RBFOX1: variants seen among roughly 807,000 people sequenced by gnomAD.
RBFOX1 encodes the protein RNA binding protein fox-1 homolog 1.
Under a neutral mutation model 57.7 loss-of-function variants are expected in RBFOX1, and 8 were observed. The observed-to-expected ratio is 0.14, with a 90% CI of 0.08 to 0.25. The LOEUF (loss-of-function observed/expected upper bound fraction) is 0.25. Ranked by LOEUF, RBFOX1 falls within the 10% of genes least tolerant of loss-of-function variation. RBFOX1 has a pLI of 1.00. For synonymous variants in RBFOX1, 326 were observed against 222.4 expected (o/e 1.47, Z -4.15); for missense variants, 611 against 548.5 (o/e 1.11, Z -1.14).
chr16:5,993,032 G>T (rs1337586169), intron 4 of RBFOX1, among the ~76,000 whole-genome samples: 1 of 152,182 alleles, frequency 6.6e-6, no homozygotes, highest in Non-Finnish European at 1.5e-5. Context: ...GGGACCCTGG[G>T]CTTGAGCCTG....
intron 4 of RBFOX1, among the ~76,000 whole-genome samples, chr16:7,210,081 T>C: frequency 6.6e-6 from 1 of 152,172 alleles, no homozygotes; most frequent in South Asian, 2.1e-4. Context: ...TCCAATGAAG[T>C]GCATCTTTGC....
At chr16:5,705,313 G>T (rs2051201389) in intron 3 of RBFOX1, among the ~76,000 whole-genome samples, 1 of 152,036 alleles carries the variant, frequency 6.6e-6, no homozygotes, top group South Asian at 2.1e-4. Flanking sequence ...CCAGGCTAGG[G>T]TGCAGTGGCA....
intron 2 of RBFOX1, among the ~76,000 whole-genome samples, chr16:5,515,517 C>T (rs1202393862): frequency 6.6e-6 from 1 of 152,220 alleles, no homozygotes; most frequent in African/African-American, 2.4e-5. Flanking sequence ...AAAATCAAAT[C>T]AACAGCTTCT....
At chr16:5,697,027 C>T (rs568377436) in intron 3 of RBFOX1, among the ~76,000 whole-genome samples, 1 of 152,230 alleles carries the variant, frequency 6.6e-6, no homozygotes, top group South Asian at 2.1e-4. Context: ...ATTCTCATGC[C>T]TCAGCCTCCC....
At chr16:5,249,342 G>A (rs550091484) in intron 1 of RBFOX1, among the ~76,000 whole-genome samples, 11 of 152,260 alleles carry the variant, frequency 7.2e-5, no homozygotes, top group East Asian at 1.9e-4. Flanking sequence ...CCCTCAGACC[G>A]TCCTCCTGGA....
intron 3 of RBFOX1, among the ~76,000 whole-genome samples, chr16:5,802,937 T>C (rs2055105892): frequency 6.6e-6 from 1 of 152,220 alleles, no homozygotes; most frequent in South Asian, 2.1e-4. Context: ...TCAGGCAATA[T>C]GCTTGTCTTG....
chr16:7,623,678 G>C (rs1280430011), intron 10 of RBFOX1, among the ~76,000 whole-genome samples: 1 of 152,176 alleles, frequency 6.6e-6, no homozygotes, highest in Non-Finnish European at 1.5e-5. Context: ...GTGGCCCAGG[G>C]GTTGGGGAAC....
intron 1 of RBFOX1, among the ~76,000 whole-genome samples, chr16:5,277,559 C>T: frequency 6.6e-6 from 1 of 152,296 alleles, no homozygotes; most frequent in Middle Eastern, 3.4e-3. Context: ...AACCTCTTTT[C>T]AAACCCCTCC....
At chr16:6,919,025 G>C (rs1338641303) in intron 3 of RBFOX1, among the ~76,000 whole-genome samples, 2 of 152,146 alleles carry the variant, frequency 1.3e-5, no homozygotes, top group Non-Finnish European at 2.9e-5. Flanking sequence ...CATTCATCCA[G>C]GCTGGAGTGC....
intron 1 of RBFOX1, among the ~76,000 whole-genome samples, chr16:6,256,707 G>A (rs541496223): frequency 8.1e-4 from 123 of 152,154 alleles, no homozygotes; most frequent in Non-Finnish European, 1.5e-3. Flanking sequence ...TAGCATCCCC[G>A]GCTGCCACTC....
At chr16:6,555,735 A>T (rs2097088954) in intron 2 of RBFOX1, among the ~76,000 whole-genome samples, 1 of 152,016 alleles carries the variant, frequency 6.6e-6, no homozygotes, top group African/African-American at 2.4e-5. Flanking sequence ...AACAAAAAAG[A>T]TATCATTCCA....
chr16:6,736,417 C>T (rs1168386565), intron 3 of RBFOX1, among the ~76,000 whole-genome samples: 1 of 152,160 alleles, frequency 6.6e-6, no homozygotes, highest in Non-Finnish European at 1.5e-5. Context: ...GTTTGGTTTT[C>T]CATTCCTGAG....
chr16:6,252,311 A>T (rs2097622003), intron 1 of RBFOX1, among the ~76,000 whole-genome samples: 1 of 152,150 alleles, frequency 6.6e-6, no homozygotes, highest in African/African-American at 2.4e-5. Flanking sequence ...AGGTGTTGGG[A>T]AGAAGAATCT....
intron 4 of RBFOX1, among the ~76,000 whole-genome samples, chr16:7,438,895 T>TC (rs918163767): frequency 6.6e-6 from 1 of 151,854 alleles, no homozygotes; most frequent in Non-Finnish European, 1.5e-5. Context: ...ACTGCATGAA[T>TC]CCCCCCCTTC....
At chr16:5,366,248 G>T in intron 1 of RBFOX1, 1 of 407,770 alleles carries the variant, frequency 2.5e-6, no homozygotes, top group South Asian at 2.0e-5. Flanking sequence ...TGGTTCCACA[G>T]AAAAAAGTAA....
At chr16:7,612,048 G>C (rs78684589) in intron 10 of RBFOX1, among the ~76,000 whole-genome samples, 1 of 152,074 alleles carries the variant, frequency 6.6e-6, no homozygotes. Flanking sequence ...TTTGCCGGGC[G>C]CGGTGGCTCA....
At chr16:6,384,806 C>G (rs996898669) in intron 2 of RBFOX1, among the ~76,000 whole-genome samples, 1 of 152,174 alleles carries the variant, frequency 6.6e-6, no homozygotes. Context: ...AGCCACTGTT[C>G]CTAGTCACAT....
At chr16:6,968,425 G>A (rs1245174586) in intron 3 of RBFOX1, among the ~76,000 whole-genome samples, 2 of 151,648 alleles carry the variant, frequency 1.3e-5, no homozygotes, top group Non-Finnish European at 2.9e-5. Context: ...CTCATCTCAC[G>A]CAGCTGAAAT....
intron 4 of RBFOX1, among the ~76,000 whole-genome samples, chr16:7,127,895 G>A (rs570066998): frequency 8.5e-5 from 13 of 152,318 alleles, no homozygotes; most frequent in Non-Finnish European, 1.5e-4. Flanking sequence ...AAGCAACAGA[G>A]TCACAATGCA....
Sources: allele counts gnomAD v4.1 joint callset (sites outside exome capture counted in the v4.1 genomes callset), GRCh38; gene constraint gnomAD v4.1.1; transcripts MANE v1.5; gene names NCBI Gene and HGNC (gene_info 2026-07-23, HGNC 2026-07-21).